Variants in UIMC1 observed in about 807,000 individuals in gnomAD.
UIMC1 encodes the protein BRCA1-A complex subunit RAP80.
UIMC1 carries 42 observed loss-of-function variants against 84.9 expected under a neutral mutation model. The ratio of observed to expected loss-of-function variants is 0.49; its 90% CI spans 0.39 to 0.64. UIMC1 has a LOEUF of 0.64. UIMC1 is among the 30% of genes least tolerant of loss of function. The pLI, the probability that UIMC1 is intolerant of heterozygous loss-of-function variation, is 0.00. For missense variants in UIMC1, 825 were observed against 847.6 expected (o/e 0.97, Z 0.33); for synonymous variants, 281 against 293.0 (o/e 0.96, Z 0.42).
intron 2 of UIMC1, among the ~76,000 whole-genome samples, chr5:176,979,188 A>C (rs141050755): frequency 6.6e-6 from 1 of 152,220 alleles, no homozygotes; most frequent in Admixed American, 6.5e-5. Flanking sequence ...AGATTATTGG[A>C]AAGTGTTGGT....
intron 9 of UIMC1, among the ~76,000 whole-genome samples, chr5:176,949,107 A>AT (rs1399341823): frequency 1.3e-5 from 2 of 151,400 alleles, no homozygotes; most frequent in Non-Finnish European, 2.9e-5. Context: ...AAATTTATTT[A>AT]TTTATTTTTT....
At chr5:176,928,899 G>A (rs1294786141) in intron 10 of UIMC1, among the ~76,000 whole-genome samples, 2 of 150,934 alleles carry the variant, frequency 1.3e-5, no homozygotes, top group Non-Finnish European at 3.0e-5. Flanking sequence ...TGCAGTGAGA[G>A]GAGATCGCGC....
intron 10 of UIMC1, among the ~76,000 whole-genome samples, chr5:176,928,559 G>A (rs1364704662): frequency 1.3e-5 from 2 of 152,290 alleles, no homozygotes; most frequent in East Asian, 3.9e-4. Flanking sequence ...TTTGCAATGT[G>A]TAAAACTTGT....
intron 11 of UIMC1, among the ~76,000 whole-genome samples, chr5:176,909,345 G>A (rs942362860): frequency 1.3e-5 from 2 of 152,110 alleles, no homozygotes; most frequent in African/African-American, 4.8e-5. Flanking sequence ...CAGTAAAAAT[G>A]GAATCACTGG....
intron 10 of UIMC1, among the ~76,000 whole-genome samples, chr5:176,935,214 C>G (rs891492674): frequency 6.6e-6 from 1 of 152,166 alleles, no homozygotes; most frequent in Non-Finnish European, 1.5e-5. Flanking sequence ...CAACTGCCCA[C>G]CATTTCCTTT....
At chr5:176,907,262 TAGAAG>T (rs2149385235) in intron 12 of UIMC1, 85 bp from the exon 13 acceptor site, 8 of 1,333,784 alleles carry the variant, frequency 6.0e-6, no homozygotes, top group Non-Finnish European at 8.4e-6. Flanking sequence ...CACGTGTTCA[TAGAAG>T]AGAAAAGGTG....
At chr5:176,908,952 G>C (rs552973872) in intron 11 of UIMC1, among the ~76,000 whole-genome samples, 1 of 152,318 alleles carries the variant, frequency 6.6e-6, no homozygotes, top group African/African-American at 2.4e-5. Flanking sequence ...AATGAAATCA[G>C]CTCTTCAAAC....
chr5:176,911,625 G>C (rs1760229204), intron 10 of UIMC1, among the ~76,000 whole-genome samples: 1 of 152,116 alleles, frequency 6.6e-6, no homozygotes, highest in Non-Finnish European at 1.5e-5. Flanking sequence ...TGTATGCTAA[G>C]CCATGAGATC....
intron 6 of UIMC1, among the ~76,000 whole-genome samples, chr5:176,965,238 G>A (rs961387958): frequency 3.4e-4 from 51 of 151,974 alleles, no homozygotes; most frequent in African/African-American, 1.2e-3. Flanking sequence ...TGGCTAACAC[G>A]GTGAAAACCC....
intron 10 of UIMC1, among the ~76,000 whole-genome samples, chr5:176,920,989 G>C (rs976191909): frequency 2.0e-5 from 3 of 152,192 alleles, no homozygotes; most frequent in Admixed American, 6.6e-5. Context: ...TTGTCATGAA[G>C]GAGTATTGAA....
Position 177,019,441 on chromosome 5 carries a change from G to A in UIMC1, c.-9+3023C>T, listed in dbSNP as rs113754852. 1.1e-4 allele frequency among the ~76,000 whole-genome samples: 17 copies of A among 151,718 alleles called. 1 individual carries two copies. Among genetic ancestry groups the A allele is most frequent in the African/African-American group, 3.6e-4 (15 of 41,364 alleles). ...GCTTGAGCTCAGGAGTTTGAGACCA[G>A]CCTGGGCAATATAGGGAAACCCTGT... is the stretch of plus-strand genomic sequence containing the variant. On this transcript the variant is annotated intron_variant, in intron 1 of 5. Coordinates refer to the UIMC1 transcript ENST00000509236.
chr5:176,984,011 GA>G (rs1771511357), intron 1 of UIMC1, among the ~76,000 whole-genome samples: 2 of 147,436 alleles, frequency 1.4e-5, no homozygotes, highest in Non-Finnish European at 3.0e-5. Context: ...CCCCGTCTGG[GA>G]AGTGAGGAGC....
chr5:176,932,770 C>T (rs1046632496), intron 10 of UIMC1, among the ~76,000 whole-genome samples: 1 of 152,058 alleles, frequency 6.6e-6, no homozygotes, highest in African/African-American at 2.4e-5. Context: ...ATACTTTGGG[C>T]ATCCAGCCCC....
chr5:176,994,854 A>G (rs544520593), intron 1 of UIMC1, among the ~76,000 whole-genome samples: 6 of 152,328 alleles, frequency 3.9e-5, no homozygotes, highest in African/African-American at 9.6e-5. Flanking sequence ...GCAGCTGCAC[A>G]GTAGGGAAAA....
chr5:177,008,289 C>G (rs1775459162), upstream of UIMC1, among the ~76,000 whole-genome samples: 1 of 152,152 alleles, frequency 6.6e-6, no homozygotes, highest in South Asian at 2.1e-4. Flanking sequence ...CAAAACCCAC[C>G]TGAACCATTT....
At chr5:176,930,585 G>C (rs138893613) in intron 10 of UIMC1, among the ~76,000 whole-genome samples, 1 of 152,342 alleles carries the variant, frequency 6.6e-6, no homozygotes. Context: ...ATAAATGGTA[G>C]CTAATGTTGC....
rs140860414 is a variant in UIMC1 at position 176,919,577 on chromosome 5, C to T, written c.1598-8188G>A. On this transcript the variant is annotated intron_variant, in intron 10 of 14. Coordinates refer to ENST00000511320, the MANE Select transcript of UIMC1 (RefSeq NM_001199298.2). ...CTAAGGATCCTCCTGCCTCAGCCTC[C>T]CAAGTAGATGGGACTTACCAGTGTG... 9.1e-3 allele frequency among the ~76,000 whole-genome samples: 1,383 copies of T among 152,196 alleles called. 8 individuals are homozygous for T. The highest frequency in any genetic ancestry group is 0.025 in the South Asian group (120 of 4,814).
chr5:176,970,439 T>C (rs1449511442), intron 4 of UIMC1: 2 of 397,724 alleles, frequency 5.0e-6, no homozygotes, highest in South Asian at 2.3e-5. Flanking sequence ...CTTATCTTGC[T>C]GCCTTCTGGT....
intron 2 of UIMC1, among the ~76,000 whole-genome samples, chr5:176,976,078 C>A (rs932542824): frequency 6.6e-6 from 1 of 152,108 alleles, no homozygotes; most frequent in East Asian, 1.9e-4. Context: ...GTGGGAGAAT[C>A]GCTTGAGGCC....
Sources: gnomAD v4.1 joint callset for allele counts (sites outside exome capture counted in the v4.1 genomes callset) on GRCh38, gnomAD v4.1.1 for gene constraint, MANE v1.5 for transcripts, NCBI Gene and HGNC (gene_info 2026-07-23, HGNC 2026-07-21) for gene names.